Variants in CEP85L observed in about 807,000 individuals in gnomAD.
CEP85L encodes centrosomal protein of 85 kDa-like.
Under a neutral mutation model 100.3 loss-of-function variants are expected in CEP85L, and 60 were observed. The observed-to-expected ratio is 0.60, with a 90% confidence interval of 0.49 to 0.74. The LOEUF (loss-of-function observed/expected upper bound fraction) is 0.74. CEP85L is among the 30% of genes least tolerant of loss of function. The pLI, the probability that CEP85L is intolerant of heterozygous loss-of-function variation, is 0.00. For missense variants in CEP85L, 973 were observed against 936.2 expected (o/e 1.04, Z -0.51); for synonymous variants, 319 against 322.7 (o/e 0.99, Z 0.12).
intron 7 of CEP85L, among the ~76,000 whole-genome samples, chr6:118,482,762 T>G (rs886248084): frequency 6.6e-6 from 1 of 152,230 alleles, no homozygotes; most frequent in Non-Finnish European, 1.5e-5. Flanking sequence ...CTGTTCCTGC[T>G]CATGCAACCT....
intron 1 of CEP85L, among the ~76,000 whole-genome samples, chr6:118,637,435 C>T (rs1014871907): frequency 1.2e-4 from 18 of 151,944 alleles, no homozygotes; most frequent in African/African-American, 4.3e-4. Context: ...AGGTGGCTCA[C>T]ACCTGTAATC....
chr6:118,635,110 A>G (rs918566561), intron 1 of CEP85L, among the ~76,000 whole-genome samples: 18 of 152,228 alleles, frequency 1.2e-4, no homozygotes, highest in African/African-American at 4.3e-4. Context: ...AAATGTCAAT[A>G]TAGACATGAC....
At chr6:118,694,490 T>A (rs1379466303) in intron 1 of CEP85L, among the ~76,000 whole-genome samples, 2 of 152,216 alleles carry the variant, frequency 1.3e-5, no homozygotes, top group East Asian at 3.9e-4. Context: ...ATCAACTGGG[T>A]GGCAATTGTG....
chr6:118,704,881 C>G (rs1490537149), intron 1 of CEP85L, among the ~76,000 whole-genome samples: 1 of 152,104 alleles, frequency 6.6e-6, no homozygotes, highest in Non-Finnish European at 1.5e-5. Context: ...CTATTTTCAC[C>G]TTTCTTTCAG....
intron 1 of CEP85L, among the ~76,000 whole-genome samples, chr6:118,678,874 G>A (rs1478770028): frequency 6.6e-6 from 1 of 152,250 alleles, no homozygotes; most frequent in Non-Finnish European, 1.5e-5. Flanking sequence ...GGAGGTTCCA[G>A]TGAGCCCAGA....
intron 3 of CEP85L, among the ~76,000 whole-genome samples, chr6:118,561,857 G>A (rs530249773): frequency 5.9e-5 from 9 of 151,844 alleles, no homozygotes; most frequent in Non-Finnish European, 1.3e-4. Context: ...CACACAAGAG[G>A]GCAGACGTAT....
intron 1 of CEP85L, among the ~76,000 whole-genome samples, chr6:118,668,805 T>C (rs2115421658): frequency 6.6e-6 from 1 of 152,364 alleles, no homozygotes; most frequent in East Asian, 1.9e-4. Flanking sequence ...TTTAAAGCTA[T>C]ATATCTAAAT....
intron 2 of CEP85L, among the ~76,000 whole-genome samples, chr6:118,591,795 T>C (rs1348294266): frequency 2.6e-5 from 4 of 152,308 alleles, no homozygotes; most frequent in East Asian, 3.9e-4. Context: ...GTCCAATTCT[T>C]TGTTCAAAGC....
intron 2 of CEP85L, among the ~76,000 whole-genome samples, chr6:118,574,418 G>A (rs1334092622): frequency 6.6e-6 from 1 of 152,188 alleles, no homozygotes; most frequent in Non-Finnish European, 1.5e-5. Flanking sequence ...CGTTACTGAC[G>A]CAGGCACCAC....
At chr6:118,656,029 C>T (rs900107653), upstream of CEP85L, among the ~76,000 whole-genome samples, 2 of 152,178 alleles carry the variant, frequency 1.3e-5, no homozygotes, top group Non-Finnish European at 2.9e-5. Flanking sequence ...GATTTCTTTT[C>T]AGATGCCATA....
chr6:118,478,834 TG>T (rs560689828), intron 10 of CEP85L, among the ~76,000 whole-genome samples: 120 of 152,212 alleles, frequency 7.9e-4, no homozygotes, highest in South Asian at 1.9e-3. Context: ...CCTCCACAAA[TG>T]GGGGAAAATG....
intron 1 of CEP85L, among the ~76,000 whole-genome samples, chr6:118,662,211 C>A (rs1443632046): frequency 6.6e-6 from 1 of 152,160 alleles, no homozygotes; most frequent in African/African-American, 2.4e-5. Flanking sequence ...CTTCCCATTT[C>A]ATCTTCATAA....
intron 3 of CEP85L, among the ~76,000 whole-genome samples, chr6:118,531,311 C>G (rs919026271): frequency 4.6e-5 from 7 of 152,090 alleles, no homozygotes; most frequent in African/African-American, 1.7e-4. Flanking sequence ...TAGCCATACA[C>G]AGAAGGCTGA....
At chr6:118,534,873 A>G (rs1159885727) in intron 3 of CEP85L, among the ~76,000 whole-genome samples, 1 of 151,682 alleles carries the variant, frequency 6.6e-6, no homozygotes, top group Non-Finnish European at 1.5e-5. Context: ...TATAAAAATT[A>G]GCCAGGTGTG....
chr6:118,708,531 C>A (rs1017926027), intron 1 of CEP85L, among the ~76,000 whole-genome samples: 5 of 151,998 alleles, frequency 3.3e-5, no homozygotes, highest in African/African-American at 4.8e-5. Context: ...ATGAGATACA[C>A]AATGAAAAAA....
intron 2 of CEP85L, among the ~76,000 whole-genome samples, chr6:118,570,299 AC>A (rs1779809319): frequency 6.6e-6 from 1 of 152,166 alleles, no homozygotes; most frequent in African/African-American, 2.4e-5. Context: ...TTGTTCTGTG[AC>A]CTCAAAAGAG....
At chr6:118,646,520 T>A (rs1775202269) in intron 1 of CEP85L, among the ~76,000 whole-genome samples, 1 of 151,672 alleles carries the variant, frequency 6.6e-6, no homozygotes, top group African/African-American at 2.4e-5. Context: ...ATACAAAACA[T>A]TAGCCAGGTA....
chr6:118,684,768 C>T (rs1013768881), intron 1 of CEP85L, among the ~76,000 whole-genome samples: 2 of 152,142 alleles, frequency 1.3e-5, no homozygotes, highest in African/African-American at 2.4e-5. Context: ...CATAACAAGG[C>T]ATTTTGATCT....
chr6:118,682,274 C>T (rs1034156710), intron 1 of CEP85L, among the ~76,000 whole-genome samples: 10 of 151,948 alleles, frequency 6.6e-5, no homozygotes, highest in Admixed American at 3.3e-4. Context: ...ATGGTGTCTC[C>T]AAGGTTTTGG....
Sources: allele counts gnomAD v4.1 joint callset (sites outside exome capture counted in the v4.1 genomes callset), GRCh38; gene constraint gnomAD v4.1.1; transcripts MANE v1.5; gene names NCBI Gene and HGNC (gene_info 2026-07-23, HGNC 2026-07-21).